Variants in AXL observed in about 807,000 individuals in gnomAD.
The protein encoded by AXL is AXL receptor tyrosine kinase.
A neutral mutation model predicts 104.5 loss-of-function variants in AXL; 52 were observed. That is an observed-to-expected ratio of 0.50 (90% CI 0.40 to 0.63). The LOEUF (loss-of-function observed/expected upper bound fraction) is 0.63, where lower values mean the gene tolerates loss of function less well. Ranked by LOEUF, AXL falls within the 20% of genes least tolerant of loss-of-function variation. The probability of loss-of-function intolerance (pLI) is 0.00; values close to 1 mark genes in which losing one functional copy is unlikely to be tolerated. For missense variants in AXL, 1,024 were observed against 1,188.5 expected, an observed-to-expected ratio of 0.86 and a Z score of 2.04; for synonymous variants, 455 against 473.7, an observed-to-expected ratio of 0.96 and a Z score of 0.51.
At chr19:41,240,613 T>G (rs2034165778) in intron 10 of AXL, among the ~76,000 whole-genome samples, 1 of 152,160 alleles carries the variant, frequency 6.6e-6, no homozygotes, top group South Asian at 2.1e-4. Flanking sequence ...CTCAACCCAC[T>G]AGCCTTCAAT....
rs1206662759 is a variant in AXL, at chr19:41,219,264, C to A, written c.-129C>A. ...GGCAGAGCCGGTGGCAAGGGCCTCC[C>A]CTGCCGCTGTGCCAGGCAGGCAGTG... On this transcript the variant is annotated 5_prime_UTR_variant, in exon 1 of 20. Coordinates refer to ENST00000301178, the MANE Select transcript of AXL (RefSeq NM_021913.5). 4.6e-6 allele frequency: 4 copies of A among 873,342 alleles called. No homozygotes were observed. In the East Asian group the frequency reaches 1.1e-4, roughly 23 times the overall value. The allele number at this position is 873,342 out of a possible 1,614,324, so 54.1% of individuals were successfully genotyped here.
intron 7 of AXL, 117 bp from the exon 8 acceptor site, chr19:41,238,353 G>C (rs2034118880): frequency 3.3e-6 from 5 of 1,517,156 alleles, no homozygotes; most frequent in African/African-American, 1.4e-5. Context: ...TCTCATGGGA[G>C]GCCTGCACGA....
At chr19:41,240,825 C>A (rs1238185540) in intron 10 of AXL, among the ~76,000 whole-genome samples, 1 of 152,070 alleles carries the variant, frequency 6.6e-6, no homozygotes, top group Non-Finnish European at 1.5e-5. Flanking sequence ...AAAACATTGT[C>A]CACAACTTTC....
intron 12 of AXL, among the ~76,000 whole-genome samples, chr19:41,247,895 TTTTTATTTTA>T (rs145835287): frequency 0.19 from 27,300 of 145,748 alleles, 2,677 homozygotes; most frequent in East Asian, 0.27. Flanking sequence ...AAAAGAAATA[TTTTTATTTTA>T]TTTTATTTTA....
chr19:41,238,472 C>T lies in AXL; in HGVS notation c.997C>T (p.Pro333Ser), dbSNP rs1422151593. 6.2e-7 allele frequency: 1 copy of T among 1,609,480 alleles called. No homozygotes were observed. The highest frequency in any genetic ancestry group is 8.5e-7 in the Non-Finnish European group (1 of 1,176,502). Residue 333 changes from proline (P) to serine (S), a missense_variant and splice_region_variant, in exon 8 of 20, where the codon CCC (proline) becomes TCC (serine). Pro to Ser is a moderately conservative substitution (Grantham distance 74). Transcript: ENST00000301178. ...TTCCCCTCTTCCCTGTCCTCCAGTG[C>T]CCCTGGGCCCCCCTGAGAACATTAG... is the stretch of plus-strand genomic sequence containing the variant. The part of the protein sequence containing the change: ...WLPVETPEGV[P>S]LGPPENISAT...
chr19:41,220,385 G>A (rs1721522466), intron 1 of AXL: 2 of 479,986 alleles, frequency 4.2e-6, no homozygotes, highest in African/African-American at 1.9e-5. Context: ...GCAGTGCAGG[G>A]CGTGGGAGGC....
intron 6 of AXL, among the ~76,000 whole-genome samples, chr19:41,235,013 C>T (rs1280417263): frequency 1.3e-5 from 2 of 152,170 alleles, no homozygotes; most frequent in African/African-American, 2.4e-5. Flanking sequence ...GGAACCTGTG[C>T]CGCTATGCAG....
At chr19:41,243,547 C>A in intron 11 of AXL, 69 bp from the exon 12 acceptor site, 1 of 1,230,676 alleles carries the variant, frequency 8.1e-7, no homozygotes, top group Non-Finnish European at 1.2e-6. Context: ...GGTGCTTGCT[C>A]AACTGCTGGT....
In AXL at chr19:41,257,548, C is replaced by T. The variant is rs1444915408; in HGVS notation, c.2252C>T (p.Pro751Leu). ...EIATRGQTPY[P>L]GVENSEIYDY... ...GCCACAAGAGGCCAAACCCCATATC[C>T]GGGCGTGGAGAACAGCGAGATTTAT... The change falls in exon 19 of 20, where the codon CCG becomes CTG. Residue 751 changes from proline (P) to leucine (L), a missense_variant. Pro to Leu is a moderately conservative substitution (Grantham distance 98, BLOSUM62 -3). Around this residue, in one of 5 missense-constraint regions of AXL, gnomAD observed 523 missense variants for 636.0 expected, o/e 0.82. Coordinates refer to ENST00000301178, the MANE Select transcript of AXL (RefSeq NM_021913.5). 1.1e-5 allele frequency: 18 copies of T among 1,614,006 alleles called. No individual in the cohort carries two copies. The highest frequency in any genetic ancestry group is 1.4e-5 in the Non-Finnish European group (16 of 1,180,032).
At chr19:41,253,119 C>G in intron 16 of AXL, 152 bp downstream of exon 16, 1 of 765,262 alleles carries the variant, frequency 1.3e-6, no homozygotes, top group South Asian at 1.9e-5. Context: ...GATAAACAAG[C>G]TAATAAATAC....
At chr19:41,247,525 T>C (rs553384945) in intron 12 of AXL, among the ~76,000 whole-genome samples, 17 of 151,694 alleles carry the variant, frequency 1.1e-4, no homozygotes, top group Middle Eastern at 3.4e-3. Context: ...GAAAAGAAAA[T>C]CCACTGAGTT....
Position 41,260,067 on chromosome 19 carries a change from T to TGCAGTAGCATCACCTTGAAA in AXL, c.*178_*197dup, listed in dbSNP as rs2034514169. 3.3e-6 allele frequency: 2 copies of TGCAGTAGCATCACCTTGAAA among 606,646 alleles called. No individual in the cohort carries two copies. Among genetic ancestry groups the TGCAGTAGCATCACCTTGAAA allele is most frequent in the Admixed American group, 3.4e-5 (1 of 29,452 alleles). The allele number at this position is 606,646 out of a possible 1,614,324, so 37.6% of individuals were successfully genotyped here. On this transcript the variant is annotated 3_prime_UTR_variant, in exon 20 of 20. Transcript: ENST00000301178. ...CCAGACAGGTCCCTCCCCTTCTCTG[T>TGCAGTAGCATCACCTTGAAA]GCAGTAGCATCACCTTGAAAGCAGT...
chr19:41,227,146 TTG>T (rs143544452), intron 4 of AXL, among the ~76,000 whole-genome samples: 1 of 151,864 alleles, frequency 6.6e-6, no homozygotes, highest in Non-Finnish European at 1.5e-5. Flanking sequence ...AGCGCAGACA[TTG>T]TGTGTGTGTG....
At chr19:41,231,350 A>T in intron 6 of AXL, 52 bp downstream of exon 6, 1 of 1,491,016 alleles carries the variant, frequency 6.7e-7, no homozygotes, top group Non-Finnish European at 9.2e-7. Context: ...TTCCACCCAC[A>T]TCCACAACCC....
chr19:41,229,623 C>T (rs2033941486), intron 4 of AXL, among the ~76,000 whole-genome samples: 1 of 152,062 alleles, frequency 6.6e-6, no homozygotes, highest in Non-Finnish European at 1.5e-5. Flanking sequence ...TGTTGAGGAA[C>T]AAAAATGAAA....
chr19:41,223,960 C>T (rs2033836225), intron 4 of AXL, among the ~76,000 whole-genome samples: 1 of 141,004 alleles, frequency 7.1e-6, no homozygotes, highest in African/African-American at 3.2e-5. Flanking sequence ...CTGTGGATGT[C>T]CCATGTGTGG....
At position 41,237,991 on chromosome 19, in the gene AXL, C is replaced by A. The variant is rs755029075; in HGVS notation, c.831C>A (p.Asp277Glu). 7 of 1,613,528 alleles carry A rather than the reference C, an allele frequency of 4.3e-6. No homozygotes were observed. Among genetic ancestry groups the A allele is most frequent in the Admixed American group, 1.7e-5 (1 of 59,886 alleles). ...TGGGCATCCAGGCGGGAGAACCAGA[C>A]CCCCCAGAGGAGCCCCTCACCTCGC... is the stretch of plus-strand genomic sequence containing the variant. The part of the protein sequence containing the change: ...DGMGIQAGEP[D>E]PPEEPLTSQA... Residue 277 changes from aspartate (D) to glutamate (E), a missense_variant, in exon 7 of 20, where the codon GAC becomes GAA. By Grantham distance (45) the Asp-to-Glu change is conservative. Around this residue, in one of 5 missense-constraint regions of AXL, gnomAD observed 332 missense variants for 343.9 expected, o/e 0.97. Transcript: ENST00000301178.
Position 41,221,262 on chromosome 19 carries a change from A to C in AXL, c.409+16A>C. On this transcript the variant is annotated intron_variant, in intron 3 of 19. Transcript: ENST00000301178. ...GGGCTGGAGGGTGAGCTCTGGGGTC[A>C]GGGGTCCTGAGGGGTCAGAGGACAT... 6.2e-7 allele frequency: 1 copy of C among 1,603,938 alleles called. No individual in the cohort carries two copies. The highest frequency in any genetic ancestry group is 8.5e-7 in the Non-Finnish European group (1 of 1,173,672).
intron 4 of AXL, among the ~76,000 whole-genome samples, chr19:41,225,033 T>G (rs1008189349): frequency 1.3e-5 from 2 of 152,212 alleles, no homozygotes; most frequent in Non-Finnish European, 2.9e-5. Context: ...AGACGGAGTC[T>G]CACTCTGTCA....
Sources: gnomAD v4.1 joint callset for allele counts (sites outside exome capture counted in the v4.1 genomes callset) on GRCh38, gnomAD v4.1.1 for gene constraint, gnomAD v4.1.1 regional missense constraint, MANE v1.5 for transcripts, NCBI Gene and HGNC (gene_info 2026-07-23, HGNC 2026-07-21) for gene names.